The following HPS1 variants were observed in gnomAD, a reference collection of about 807,000 sequenced individuals.
HPS1 encodes the protein BLOC-3 complex member HPS1.
HPS1 carries 59 observed loss-of-function variants against 90.6 expected under a neutral mutation model. The ratio of observed to expected loss-of-function variants is 0.65; its 90% CI spans 0.53 to 0.81. The LOEUF is 0.81. Ranked by LOEUF, HPS1 falls within the 30% of genes least tolerant of loss-of-function variation. HPS1 has a pLI of 0.00. For missense variants in HPS1, 849 were observed against 896.7 expected, an observed-to-expected ratio of 0.95 and a Z score of 0.68; for synonymous variants, 388 against 384.4, an observed-to-expected ratio of 1.01 and a Z score of -0.11.
chr10:98,446,308 G>A (rs1166247874), intron 1 of HPS1, among the ~76,000 whole-genome samples: 3 of 152,194 alleles, frequency 2.0e-5, no homozygotes, highest in African/African-American at 4.8e-5. Flanking sequence ...GAACCTCGCC[G>A]GTGTCACACT....
downstream of HPS1, among the ~76,000 whole-genome samples, chr10:98,415,664 G>C (rs1180977038): frequency 6.6e-6 from 1 of 152,226 alleles, no homozygotes; most frequent in Non-Finnish European, 1.5e-5. Flanking sequence ...CACAGGAGGC[G>C]CCCAGGGCGG....
intron 3 of HPS1, among the ~76,000 whole-genome samples, chr10:98,436,801 A>C (rs1847401910): frequency 2.0e-5 from 3 of 152,222 alleles, no homozygotes; most frequent in Admixed American, 1.3e-4. Flanking sequence ...GAGCTGGGGA[A>C]GTCTACAAGA....
At position 98,437,520 on chromosome 10, in the gene HPS1, C is replaced by T. The variant is rs1847509864; in HGVS notation, c.118-1748G>A. On this transcript the variant is annotated intron_variant, in intron 3 of 19. Coordinates refer to ENST00000361490, the MANE Select transcript of HPS1 (RefSeq NM_000195.5). ...ATTTTTGCTATACCTTCTCTATGTT[C>T]ATTCAGATACACAAACATTTCCATT... Among the ~76,000 whole-genome samples the T allele has an allele frequency of 2.6e-5, 4 of 152,338 alleles. No individual in the cohort carries two copies. In the South Asian group the frequency reaches 8.3e-4, roughly 32 times the overall value.
At chr10:98,426,307 G>A (rs1845595270) in intron 11 of HPS1, among the ~76,000 whole-genome samples, 2 of 152,104 alleles carry the variant, frequency 1.3e-5, no homozygotes. Context: ...ACGGGGAGAG[G>A]TCCCCTCCCC....
Position 98,435,603 on chromosome 10 carries a change from G to C in HPS1, c.255+32C>G. The C allele has an allele frequency of 6.2e-7, 1 of 1,613,876 alleles. No homozygotes were observed. The highest frequency in any genetic ancestry group is 8.5e-7 in the Non-Finnish European group (1 of 1,179,850). ...TGGACTCCCCATCAAGCTGAGGGAAGAGGAACATGGGCCCCAGAGCTATAG... is the reference window on the plus strand; with the variant it reads ...TGGACTCCCCATCAAGCTGAGGGAACAGGAACATGGGCCCCAGAGCTATAG... On this transcript the variant is annotated intron_variant, in intron 4 of 19. Transcript: ENST00000361490. The surrounding 1 kb of genome is among the most constrained non-coding windows in gnomAD (Gnocchi z 4.3).
In HPS1 at chr10:98,423,830, G is replaced by C; in HGVS notation, c.1455C>G (p.Asn485Lys). Residue 485 changes from asparagine (N) to lysine (K), a missense_variant, in exon 15 of 20, where the codon AAC (asparagine) becomes AAG (lysine). Transcript: ENST00000361490. ...CCCTGCTGGGGGCTGTGGTCAGAAAGTTCAGCCGGTAGATGGCGCAGAGCT... is the reference window on the plus strand; with the variant it reads ...CCCTGCTGGGGGCTGTGGTCAGAAACTTCAGCCGGTAGATGGCGCAGAGCT... ...KRQLCAIYRL[N>K]FLTTAPSRGG... is the part of the protein sequence containing the mutation. 6.2e-7 allele frequency: 1 copy of C among 1,614,002 alleles called. No homozygotes were observed. The highest frequency in any genetic ancestry group is 8.5e-7 in the Non-Finnish European group (1 of 1,180,032).
intron 10 of HPS1, 121 bp downstream of exon 10, chr10:98,429,452 C>T (rs1210717533): frequency 2.3e-5 from 37 of 1,576,990 alleles, no homozygotes; most frequent in South Asian, 4.6e-5. Context: ...TCTAGGAACA[C>T]GGGTACCTGC....
At chr10:98,427,286 A>G (rs773021775) in intron 10 of HPS1, 22 bp from the exon 11 acceptor site, 49 of 1,546,462 alleles carry the variant, frequency 3.2e-5, no homozygotes, top group Non-Finnish European at 4.1e-5. Context: ...AGGTAATAAC[A>G]TAACGATGTA....
chr10:98,434,154 C>T (rs1399369556), intron 5 of HPS1, 63 bp from the exon 6 acceptor site: 3 of 1,482,470 alleles, frequency 2.0e-6, no homozygotes, highest in Admixed American at 2.0e-5. Flanking sequence ...CCACACCCAA[C>T]CAAAGGACCA....
At chr10:98,423,720 C>T (rs1436591559) in intron 15 of HPS1, 33 bp downstream of exon 15, 2 of 1,613,960 alleles carry the variant, frequency 1.2e-6, no homozygotes, top group Non-Finnish European at 1.7e-6. Context: ...CCAGACCCTG[C>T]CCTGGCCACC....
chr10:98,430,992 G>A, intron 7 of HPS1, 139 bp downstream of exon 7: 1 of 882,760 alleles, frequency 1.1e-6, no homozygotes, highest in Non-Finnish European at 1.9e-6. Flanking sequence ...AAAGGTTGGA[G>A]AATCAAATCT....
intron 3 of HPS1, among the ~76,000 whole-genome samples, chr10:98,440,448 A>G (rs1400766120): frequency 1.3e-5 from 2 of 152,180 alleles, no homozygotes; most frequent in African/African-American, 4.8e-5. Context: ...CTGGAGTACA[A>G]TGTTTCCATT....
chr10:98,425,849 C>T lies in HPS1; in HGVS notation c.1124G>A (p.Trp375Ter), dbSNP rs1845534948. 2 of 1,614,006 alleles carry T rather than the reference C, an allele frequency of 1.2e-6. No individual in the cohort carries two copies. Among genetic ancestry groups the T allele is most frequent in the Non-Finnish European group, 1.7e-6 (2 of 1,179,960 alleles). ...CAGGAGCACCAGGTTGATGCCCTGC[C>T]ACAGGGGCAGGCAGTACATGGTGTG... ...VPHTMYCLPL[W>*]QGINLVLLTR... is the part of the protein sequence containing the mutation. Residue 375 changes from tryptophan to a stop codon, truncating the protein, a stop_gained, in exon 12 of 20, where the codon TGG becomes TAG. Coordinates refer to ENST00000361490, the MANE Select transcript of HPS1 (RefSeq NM_000195.5). LOFTEE classifies it high-confidence loss of function.
At chr10:98,437,463 A>G (rs1002180184) in intron 3 of HPS1, among the ~76,000 whole-genome samples, 3 of 152,250 alleles carry the variant, frequency 2.0e-5, no homozygotes, top group African/African-American at 4.8e-5. Context: ...CAGACCACGC[A>G]TGATAGTGGC....
rs1314749339 is a variant in HPS1 at position 98,435,254 on chromosome 10, C to A, written c.398+18G>T. ...GGTGCTCGGCAAAGGACAGAGGGGA[C>A]CAGCTTTGAAGACTCACTCCTTTCG... On this transcript the variant is annotated intron_variant, in intron 5 of 19. Transcript: ENST00000361490. This position sits in a 1 kb window ranked among gnomAD's most constrained non-coding sequence, Gnocchi z 4.3. 45 of 1,613,800 alleles carry A rather than the reference C, an allele frequency of 2.8e-5. No individual in the cohort carries two copies. The highest frequency in any genetic ancestry group is 3.6e-5 in the Non-Finnish European group (43 of 1,180,026).
chr10:98,433,536 G>A (rs1295687430), intron 6 of HPS1, among the ~76,000 whole-genome samples: 2 of 152,190 alleles, frequency 1.3e-5, no homozygotes, highest in Admixed American at 1.3e-4. Context: ...GCTTAACCTA[G>A]AGTTGCAGGC....
At position 98,425,540 on chromosome 10, in the gene HPS1, C is replaced by T. The variant is rs576459585; in HGVS notation, c.1335+1G>A. ...GGGGAGGACTGGAACTTGGGTCTCA[C>T]CTGAATCTCCTGTGCCCCTCGATTC... On this transcript the variant is annotated splice_donor_variant, in intron 13 of 19. Transcript: ENST00000361490. LOFTEE classifies it high-confidence loss of function. The T allele has an allele frequency of 6.2e-7, 1 of 1,608,902 alleles. No homozygotes were observed. The highest frequency in any genetic ancestry group is 2.2e-5 in the East Asian group (1 of 44,758).
At position 98,429,381 on chromosome 10, in the gene HPS1, A is replaced by G. The variant is rs1061135; in HGVS notation, c.937+192T>C. 0.55 allele frequency: 834,362 copies of G among 1,525,900 alleles called. 229,343 individuals are homozygous for G. Among genetic ancestry groups the G allele is most frequent in the South Asian group, 0.62 (51,212 of 82,338 alleles). The allele number at this position is 1,525,900 out of a possible 1,614,324, so 94.5% of individuals were successfully genotyped here. A position where few individuals can be genotyped will look rare whatever the true frequency, so the allele number is the denominator to read the frequency against. On this transcript the variant is annotated intron_variant, in intron 10 of 19. Transcript: ENST00000361490. ...AGGGATCAGTGGAGTGGTCTTAACA[A>G]TCCTTGAGTTCAGGCTGGAGCTGGC...
intron 10 of HPS1, among the ~76,000 whole-genome samples, chr10:98,428,810 T>G (rs948458871): frequency 6.6e-6 from 1 of 151,756 alleles, no homozygotes; most frequent in Non-Finnish European, 1.5e-5. Flanking sequence ...AGGTTGTCCA[T>G]TTTTTGTTAA....
Sources: allele counts gnomAD v4.1 joint callset (sites outside exome capture counted in the v4.1 genomes callset), GRCh38; gene constraint gnomAD v4.1.1; non-coding constraint Gnocchi (gnomAD v3.1); transcripts MANE v1.5; gene names NCBI Gene and HGNC (gene_info 2026-07-23, HGNC 2026-07-21).